The following CSMD1 variants were observed in gnomAD, a reference collection of about 807,000 sequenced individuals.
CSMD1 encodes the protein CUB and Sushi multiple domains 1.
Under a neutral mutation model 417.5 loss-of-function variants are expected in CSMD1, and 213 were observed. That is an observed-to-expected ratio of 0.51 (90% CI 0.46 to 0.57). The LOEUF is 0.57. Among genes scored for constraint, CSMD1 ranks in the 20% least tolerant of loss-of-function variants. The pLI, the probability that CSMD1 is intolerant of heterozygous loss-of-function variation, is 0.00. For synonymous variants in CSMD1, 2,862 were observed against 1,736.8 expected, an observed-to-expected ratio of 1.65 and a Z score of -16.11; for missense variants, 6,923 against 4,529.7, an observed-to-expected ratio of 1.53 and a Z score of -15.17.
At chr8:3,507,431 T>A (rs952374059) in intron 10 of CSMD1, among the ~76,000 whole-genome samples, 3 of 152,218 alleles carry the variant, frequency 2.0e-5, no homozygotes, top group African/African-American at 4.8e-5. Context: ...TGGTTCCAAG[T>A]CTTTGCTATT....
chr8:4,433,566 G>A (rs1036804420), intron 2 of CSMD1, among the ~76,000 whole-genome samples: 2 of 152,128 alleles, frequency 1.3e-5, no homozygotes, highest in African/African-American at 4.8e-5. Context: ...GACATGTGCT[G>A]CAACAGAGAG....
chr8:3,175,726 C>A (rs1214441785), intron 37 of CSMD1, among the ~76,000 whole-genome samples: 2 of 152,054 alleles, frequency 1.3e-5, no homozygotes, highest in African/African-American at 2.4e-5. Context: ...TGGACCATGT[C>A]TACTGCTGGG....
At chr8:3,905,708 T>G (rs969609526) in intron 5 of CSMD1, among the ~76,000 whole-genome samples, 2 of 152,194 alleles carry the variant, frequency 1.3e-5, no homozygotes, top group African/African-American at 4.8e-5. Context: ...TATCTCCTTA[T>G]CCACATCCAA....
intron 9 of CSMD1, among the ~76,000 whole-genome samples, chr8:3,577,417 T>C (rs1217259106): frequency 2.6e-5 from 4 of 152,176 alleles, no homozygotes; most frequent in Non-Finnish European, 4.4e-5. Context: ...TTTTTTTAAT[T>C]TAGAAATCTC....
At chr8:3,686,923 T>C (rs550156664) in intron 7 of CSMD1, among the ~76,000 whole-genome samples, 14 of 152,282 alleles carry the variant, frequency 9.2e-5, no homozygotes, top group African/African-American at 2.9e-4. Context: ...GAGTAGAGCT[T>C]TGTCTCCCCT....
chr8:3,486,831 A>G (rs1354622107), intron 11 of CSMD1, among the ~76,000 whole-genome samples: 1 of 152,208 alleles, frequency 6.6e-6, no homozygotes, highest in Non-Finnish European at 1.5e-5. Context: ...GCTGAAGCCC[A>G]GTGGTTTGTT....
At chr8:3,405,150 C>A (rs370272870) in intron 15 of CSMD1, among the ~76,000 whole-genome samples, 3 of 152,108 alleles carry the variant, frequency 2.0e-5, no homozygotes, top group African/African-American at 7.2e-5. Context: ...CTGTTTAAAT[C>A]TATGCTAACA....
rs200806618 is a variant in CSMD1 at position 4,720,418 on chromosome 8, T to TA, written c.86-82861dup. Among the ~76,000 whole-genome samples the TA allele has an allele frequency of 1.8e-3, 281 of 152,198 alleles. 9 individuals carry two copies. In the South Asian group the frequency reaches 0.048, roughly 26 times the overall value. On this transcript the variant is annotated intron_variant, in intron 1 of 69. Transcript: ENST00000635120. ...TATCAGCTACTACTTCTCATTTGAATAATTTTTTTTGTTTTTTGAGATGGA... is the reference window on the plus strand; with the variant it reads ...TATCAGCTACTACTTCTCATTTGAATAAATTTTTTTTGTTTTTTGAGATGGA...
chr8:3,187,783 T>C (rs1452155183), intron 36 of CSMD1, 86 bp downstream of exon 36: 2 of 942,784 alleles, frequency 2.1e-6, no homozygotes, highest in African/African-American at 1.6e-5. Flanking sequence ...AAAATTTCTA[T>C]GTGGAGTGTT....
chr8:4,189,697 G>A lies in CSMD1; in HGVS notation c.416-157598C>T, dbSNP rs75235052. Among the ~76,000 whole-genome samples the A allele has an allele frequency of 1.2e-3, 184 of 152,032 alleles. 1 individual carries two copies. The highest frequency in any genetic ancestry group is 0.011 in the South Asian group (52 of 4,816). On this transcript the variant is annotated intron_variant, in intron 3 of 69. Transcript: ENST00000635120. ...TGCATTTGAACGGAAAGAGTGTTGA[G>A]AATTAATTTTTCATTTGTATTCTAA...
At chr8:3,720,797 G>C (rs1296899670) in intron 6 of CSMD1, among the ~76,000 whole-genome samples, 1 of 151,984 alleles carries the variant, frequency 6.6e-6, no homozygotes, top group African/African-American at 2.4e-5. Context: ...ACAGCTTCAG[G>C]AGATGTGAAC....
intron 3 of CSMD1, among the ~76,000 whole-genome samples, chr8:4,224,954 TA>T (rs1169059441): frequency 1.3e-4 from 19 of 151,720 alleles, no homozygotes; most frequent in Non-Finnish European, 2.5e-4. Context: ...CTAATAAAAT[TA>T]AAAAAAATTA....
At position 4,616,774 on chromosome 8, in the gene CSMD1, C is replaced by T. The variant is rs370103109; in HGVS notation, c.302+20568G>A. Among the ~76,000 whole-genome samples the T allele has an allele frequency of 2.6e-4, 39 of 152,210 alleles. 1 individual carries two copies. Among genetic ancestry groups the T allele is most frequent in the East Asian group, 2.1e-3 (11 of 5,176 alleles). On this transcript the variant is annotated intron_variant, in intron 2 of 69. Coordinates refer to ENST00000635120, the MANE Select transcript of CSMD1 (RefSeq NM_033225.6). ...GATATTGGCATAAATGCATGGCTAC[C>T]CTTCCTTATTTGTAGAATCCAGAGG... is the stretch of plus-strand genomic sequence containing the variant.
chr8:4,030,019 G>C (rs546976452), intron 4 of CSMD1, among the ~76,000 whole-genome samples: 4 of 152,174 alleles, frequency 2.6e-5, no homozygotes, highest in African/African-American at 7.2e-5. Flanking sequence ...TGATGCAAGA[G>C]GTGAGCTCCA....
intron 7 of CSMD1, among the ~76,000 whole-genome samples, chr8:3,677,351 G>C (rs549673608): frequency 2.6e-5 from 4 of 152,206 alleles, no homozygotes; most frequent in Admixed American, 6.5e-5. Flanking sequence ...AGTAATTCTT[G>C]AATAAATAAG....
At chr8:3,904,800 G>A (rs915548526) in intron 5 of CSMD1, among the ~76,000 whole-genome samples, 4 of 151,638 alleles carry the variant, frequency 2.6e-5, no homozygotes, top group African/African-American at 4.8e-5. Context: ...CCATGCCCAG[G>A]TAATTTTTGT....
intron 10 of CSMD1, among the ~76,000 whole-genome samples, chr8:3,494,205 T>C (rs1796264732): frequency 6.6e-6 from 1 of 152,216 alleles, no homozygotes; most frequent in African/African-American, 2.4e-5. Flanking sequence ...AAAGCTCTCC[T>C]CTATATTTAG....
At chr8:3,166,716 T>C (rs1417057746) in intron 37 of CSMD1, among the ~76,000 whole-genome samples, 1 of 152,052 alleles carries the variant, frequency 6.6e-6, no homozygotes, top group East Asian at 1.9e-4. Flanking sequence ...AGTATTTATA[T>C]AGACACAAAA....
chr8:3,306,120 T>C (rs1331739613), intron 25 of CSMD1, among the ~76,000 whole-genome samples: 2 of 152,154 alleles, frequency 1.3e-5, no homozygotes, highest in African/African-American at 4.8e-5. Context: ...TGCATTTTCC[T>C]CACTCCACTT....
Sources: gnomAD v4.1 joint callset for allele counts (sites outside exome capture counted in the v4.1 genomes callset) on GRCh38, gnomAD v4.1.1 for gene constraint, MANE v1.5 for transcripts, NCBI Gene and HGNC (gene_info 2026-07-23, HGNC 2026-07-21) for gene names.